MAGI1: variants seen among roughly 807,000 people sequenced by gnomAD.
MAGI1 encodes the protein membrane-associated guanylate kinase, WW and PDZ domain-containing protein 1.
Under a neutral mutation model 139.9 loss-of-function variants are expected in MAGI1, and 58 were observed. That is an observed-to-expected ratio of 0.41 (90% CI 0.34 to 0.52). The LOEUF (loss-of-function observed/expected upper bound fraction) is 0.52, where lower values mean the gene tolerates loss of function less well. Among genes scored for constraint, MAGI1 ranks in the 20% least tolerant of loss-of-function variants. MAGI1 has a pLI of 0.12. For synonymous variants in MAGI1, 812 were observed against 737.9 expected (o/e 1.10, Z -1.63); for missense variants, 1,874 against 1,901.6 (o/e 0.99, Z 0.27).
intron 1 of MAGI1, among the ~76,000 whole-genome samples, chr3:65,814,141 G>A (rs936280326): frequency 2.0e-5 from 3 of 152,120 alleles, no homozygotes; most frequent in South Asian, 2.1e-4. Context: ...AGAGGAGATC[G>A]GGTCTTTAGT....
chr3:65,415,493 G>A (rs528905574), intron 12 of MAGI1, among the ~76,000 whole-genome samples: 1 of 152,306 alleles, frequency 6.6e-6, no homozygotes, highest in South Asian at 2.1e-4. Context: ...GCCCAGGGCT[G>A]GCTCAGGCTG....
intron 1 of MAGI1, among the ~76,000 whole-genome samples, chr3:65,680,211 C>A (rs534081922): frequency 6.6e-6 from 1 of 152,286 alleles, no homozygotes; most frequent in East Asian, 1.9e-4. Context: ...CAGTGCCCTA[C>A]CCATCCTCAC....
intron 1 of MAGI1, among the ~76,000 whole-genome samples, chr3:65,786,128 A>C (rs1391060363): frequency 6.6e-6 from 1 of 150,468 alleles, no homozygotes; most frequent in Non-Finnish European, 1.5e-5. Flanking sequence ...GCTAATTTTT[A>C]TATTTTTAGT....
intron 2 of MAGI1, among the ~76,000 whole-genome samples, chr3:65,584,603 C>G (rs1195534330): frequency 6.6e-6 from 1 of 152,124 alleles, no homozygotes; most frequent in East Asian, 1.9e-4. Context: ...AGGAAGGAAG[C>G]AAGTACAACA....
chr3:65,725,939 G>C (rs1176713410), intron 1 of MAGI1, among the ~76,000 whole-genome samples: 3 of 152,136 alleles, frequency 2.0e-5, no homozygotes, highest in Non-Finnish European at 2.9e-5. Context: ...AAAAATAAAG[G>C]AAAGAAAGGG....
intron 1 of MAGI1, among the ~76,000 whole-genome samples, chr3:65,985,672 A>G (rs2065844161): frequency 6.6e-6 from 1 of 152,206 alleles, no homozygotes; most frequent in Admixed American, 6.5e-5. Flanking sequence ...TTTATTTACT[A>G]ACTACCTGTT....
At chr3:65,701,076 TA>T (rs1293927963) in intron 1 of MAGI1, among the ~76,000 whole-genome samples, 1 of 152,192 alleles carries the variant, frequency 6.6e-6, no homozygotes, top group Non-Finnish European at 1.5e-5. Flanking sequence ...GGGCAGTTTC[TA>T]AAAACAGGTT....
chr3:65,508,261 G>A (rs556335753), intron 2 of MAGI1, among the ~76,000 whole-genome samples: 23 of 152,132 alleles, frequency 1.5e-4, no homozygotes, highest in African/African-American at 3.1e-4. Context: ...AAAGTTAGCC[G>A]GGCGTGGCAG....
intron 12 of MAGI1, among the ~76,000 whole-genome samples, chr3:65,402,827 C>T (rs1945022006): frequency 6.6e-6 from 1 of 152,132 alleles, no homozygotes; most frequent in Admixed American, 6.6e-5. Context: ...TGAGGGCACT[C>T]TCTGGCAAGG....
intron 1 of MAGI1, among the ~76,000 whole-genome samples, chr3:65,641,745 T>A (rs770267426): frequency 1.1e-4 from 16 of 152,148 alleles, no homozygotes; most frequent in Non-Finnish European, 1.8e-4. Flanking sequence ...CTGCCCTGAC[T>A]AAGGAAGAAA....
chr3:65,857,243 CAT>C (rs1052698948), intron 1 of MAGI1, among the ~76,000 whole-genome samples: 9 of 152,286 alleles, frequency 5.9e-5, no homozygotes, highest in African/African-American at 2.2e-4. Context: ...AGAAAAGAAA[CAT>C]GAGAGAGTAC....
At chr3:65,965,890 T>A (rs1278535148) in intron 1 of MAGI1, among the ~76,000 whole-genome samples, 1 of 152,150 alleles carries the variant, frequency 6.6e-6, no homozygotes, top group Non-Finnish European at 1.5e-5. Context: ...TGACCTCAAG[T>A]GATCCGCCTG....
At chr3:65,393,855 T>C (rs548195101) in intron 13 of MAGI1, among the ~76,000 whole-genome samples, 2 of 152,336 alleles carry the variant, frequency 1.3e-5, no homozygotes, top group South Asian at 2.1e-4. Flanking sequence ...TGTAGGGTTA[T>C]TGGCAGTTTC....
At chr3:65,374,461 G>T (rs528075701) in intron 18 of MAGI1, among the ~76,000 whole-genome samples, 1 of 151,980 alleles carries the variant, frequency 6.6e-6, no homozygotes, top group Non-Finnish European at 1.5e-5. Context: ...GGGACTACAG[G>T]CATGTGCCAC....
At chr3:65,440,784 T>C (rs919798222) in intron 8 of MAGI1, among the ~76,000 whole-genome samples, 3 of 151,422 alleles carry the variant, frequency 2.0e-5, no homozygotes, top group Non-Finnish European at 4.4e-5. Context: ...AAACTAATTA[T>C]ATATATACAC....
At chr3:65,447,853 C>G (rs1283565885) in intron 7 of MAGI1, among the ~76,000 whole-genome samples, 169 bp downstream of exon 7, 1 of 152,064 alleles carries the variant, frequency 6.6e-6, no homozygotes, top group Non-Finnish European at 1.5e-5. Context: ...TGCCTGCAGG[C>G]AGACACGCAG....
chr3:65,610,909 A>G (rs1397679894), intron 2 of MAGI1, among the ~76,000 whole-genome samples: 1 of 141,034 alleles, frequency 7.1e-6, no homozygotes, highest in Non-Finnish European at 1.5e-5. Context: ...ACTATATAGT[A>G]TATAGACACT....
At chr3:65,638,625 T>C (rs1197916469) in intron 1 of MAGI1, among the ~76,000 whole-genome samples, 5 of 132,174 alleles carry the variant, frequency 3.8e-5, no homozygotes, top group African/African-American at 1.7e-4. Context: ...TTTTTTTTTT[T>C]TTCAGACAGA....
At chr3:65,625,430 G>A (rs11926776) in intron 1 of MAGI1, among the ~76,000 whole-genome samples, 39,014 of 152,042 alleles carry the variant, frequency 0.26, 5,617 homozygotes, top group East Asian at 0.6. Context: ...AGTTAAGCCA[G>A]ACGTGCCTAC....
Sources: allele counts gnomAD v4.1 joint callset (sites outside exome capture counted in the v4.1 genomes callset), GRCh38; gene constraint gnomAD v4.1.1; transcripts MANE v1.5; gene names NCBI Gene and HGNC (gene_info 2026-07-23, HGNC 2026-07-21).